Variants in LRRN2 observed in about 807,000 individuals in gnomAD.
LRRN2 encodes leucine rich repeat neuronal 2.
Under a neutral mutation model 35.7 loss-of-function variants are expected in LRRN2, and 10 were observed. The observed-to-expected ratio is 0.28, with a 90% CI of 0.17 to 0.47. LRRN2 has a LOEUF of 0.47. Among genes scored for constraint, LRRN2 ranks in the 20% least tolerant of loss-of-function variants. The probability of loss-of-function intolerance (pLI) is 0.99; values close to 1 mark genes in which losing one functional copy is unlikely to be tolerated. For missense variants in LRRN2, 731 were observed against 940.3 expected (o/e 0.78, Z 2.91); for synonymous variants, 391 against 409.6 (o/e 0.95, Z 0.55).
intron 1 of LRRN2, among the ~76,000 whole-genome samples, chr1:204,674,798 G>A (rs760113315): frequency 3.3e-5 from 5 of 152,266 alleles, no homozygotes; most frequent in Admixed American, 6.5e-5. Flanking sequence ...GGCTGGCTGC[G>A]GATGTTTGGA....
At chr1:204,632,800 G>A (rs970342413) in intron 1 of LRRN2, among the ~76,000 whole-genome samples, 5 of 152,092 alleles carry the variant, frequency 3.3e-5, no homozygotes, top group South Asian at 2.1e-4. Flanking sequence ...CAGGCGTGGT[G>A]GCGGGCGCCT....
At chr1:204,684,509 G>C (rs1404862556) in intron 1 of LRRN2, among the ~76,000 whole-genome samples, 1 of 152,200 alleles carries the variant, frequency 6.6e-6, no homozygotes, top group Non-Finnish European at 1.5e-5. Context: ...CTCGGCCCCA[G>C]ATGGAGCTCA....
At chr1:204,622,763 C>G (rs947807353) in intron 1 of LRRN2, among the ~76,000 whole-genome samples, 1 of 152,114 alleles carries the variant, frequency 6.6e-6, no homozygotes, top group Non-Finnish European at 1.5e-5. Context: ...CTGACTGCCA[C>G]CTAGACCTGC....
chr1:204,619,819 T>C lies in LRRN2; in HGVS notation c.174A>G (p.Leu58=), dbSNP rs150138339. 5.0e-6 allele frequency: 8 copies of C among 1,613,778 alleles called. No individual in the cohort carries two copies. In the African/African-American group the frequency reaches 9.3e-5, roughly 19 times the overall value. The change falls in exon 2 of 2, where the codon CTA becomes CTG. Residue 58 remains leucine, a synonymous_variant. Transcript: ENST00000367177. ...GTGCCGGGGGGACTGCCGTCAGGAA[T>C]AGGTCATTGCAGTCCACAGTGGTAG... ...REATTVDCND[L]FLTAVPPALP... is the part of the protein sequence containing the mutation.
chr1:204,635,750 T>C (rs1667818664), intron 1 of LRRN2, among the ~76,000 whole-genome samples: 1 of 152,226 alleles, frequency 6.6e-6, no homozygotes, highest in African/African-American at 2.4e-5. Context: ...GCTGAGCCTC[T>C]TTCTTGGCTG....
At chr1:204,657,341 T>C (rs1556155) in intron 1 of LRRN2, among the ~76,000 whole-genome samples, 75,260 of 146,832 alleles carry the variant, frequency 0.51, 19,527 homozygotes, top group South Asian at 0.58. Context: ...TATGTATATA[T>C]ACACACACAC....
chr1:204,621,479 C>T (rs1247081829), intron 1 of LRRN2: 1 of 167,180 alleles, frequency 6.0e-6, no homozygotes, highest in Non-Finnish European at 1.5e-5. Context: ...AGTACTCATG[C>T]TTCCTACTGT....
intron 1 of LRRN2, among the ~76,000 whole-genome samples, chr1:204,638,494 C>A (rs1302766575): frequency 7.0e-6 from 1 of 142,384 alleles, no homozygotes; most frequent in Non-Finnish European, 1.5e-5. Context: ...TCACTGCAAC[C>A]TCCGCCCTCT....
At chr1:204,627,542 C>T (rs1208961769) in intron 1 of LRRN2, among the ~76,000 whole-genome samples, 1 of 152,226 alleles carries the variant, frequency 6.6e-6, no homozygotes, top group Non-Finnish European at 1.5e-5. Context: ...AGTGTTAGAG[C>T]TCTGCTGCCT....
chr1:204,666,796 AC>A (rs1248365895), intron 1 of LRRN2, among the ~76,000 whole-genome samples: 3 of 152,052 alleles, frequency 2.0e-5, no homozygotes, highest in African/African-American at 7.2e-5. Flanking sequence ...CCCAGTCTCT[AC>A]TAAAAATACA....
Position 204,618,532 on chromosome 1 carries a change from C to T in LRRN2, c.1461G>A (p.Val487=), listed in dbSNP as rs1167121201. The T allele has an allele frequency of 2.5e-6, 4 of 1,614,196 alleles. No homozygotes were observed. Among genetic ancestry groups the T allele is most frequent in the African/African-American group, 2.7e-5 (2 of 75,070 alleles). The change falls in exon 2 of 2, where the codon GTG becomes GTA. Residue 487 remains valine (V), a synonymous_variant. Transcript: ENST00000367177. ...YPEGTLELRR[V]TAEEAGLYTC... ...TGTATAGCCCTGCCTCTTCTGCTGT[C>T]ACCCTCCGCAGCTCCAGGGTCCCCT...
chr1:204,650,111 A>G (rs1048863726), intron 1 of LRRN2, among the ~76,000 whole-genome samples: 4 of 152,126 alleles, frequency 2.6e-5, no homozygotes, highest in African/African-American at 7.2e-5. Flanking sequence ...CAGCCCAAAA[A>G]CTTCCTCAGC....
At chr1:204,677,124 C>CT (rs1273520638) in intron 1 of LRRN2, among the ~76,000 whole-genome samples, 1 of 152,182 alleles carries the variant, frequency 6.6e-6, no homozygotes, top group Non-Finnish European at 1.5e-5. Context: ...GATGAGGAAA[C>CT]TGAGGCTCGG....
intron 1 of LRRN2, among the ~76,000 whole-genome samples, chr1:204,671,812 G>A (rs1418903429): frequency 1.3e-5 from 2 of 152,162 alleles, no homozygotes; most frequent in East Asian, 1.9e-4. Flanking sequence ...AAACTAAAAG[G>A]TGTAGAAGGT....
At chr1:204,667,246 T>G (rs1054687288) in intron 1 of LRRN2, among the ~76,000 whole-genome samples, 1 of 152,222 alleles carries the variant, frequency 6.6e-6, no homozygotes, top group Non-Finnish European at 1.5e-5. Flanking sequence ...GTTATACCAA[T>G]GTCAGTTTCC....
intron 1 of LRRN2, among the ~76,000 whole-genome samples, chr1:204,659,509 C>G (rs1414581229): frequency 6.6e-6 from 1 of 152,130 alleles, no homozygotes; most frequent in Non-Finnish European, 1.5e-5. Flanking sequence ...TTCAAGTGCT[C>G]CTGGAATGGC....
intron 1 of LRRN2, among the ~76,000 whole-genome samples, chr1:204,633,525 A>C (rs1459148307): frequency 1.3e-5 from 2 of 152,186 alleles, no homozygotes; most frequent in Non-Finnish European, 2.9e-5. Flanking sequence ...TTGACTGAGC[A>C]CTGATTAGTA....
At chr1:204,680,198 G>A (rs959289046) in intron 1 of LRRN2, among the ~76,000 whole-genome samples, 1 of 152,206 alleles carries the variant, frequency 6.6e-6, no homozygotes, top group African/African-American at 2.4e-5. Context: ...CTATCTAATA[G>A]GGGTACTTTT....
chr1:204,646,338 T>C (rs1668107066), intron 1 of LRRN2, among the ~76,000 whole-genome samples: 1 of 152,124 alleles, frequency 6.6e-6, no homozygotes, highest in South Asian at 2.1e-4. Flanking sequence ...GTGTGTGTGT[T>C]ATTTTTCGTT....
Sources: gnomAD v4.1 joint callset for allele counts (sites outside exome capture counted in the v4.1 genomes callset) on GRCh38, gnomAD v4.1.1 for gene constraint, MANE v1.5 for transcripts, NCBI Gene and HGNC (gene_info 2026-07-23, HGNC 2026-07-21) for gene names.